The following FRMPD1 variants were observed in gnomAD, a reference collection of about 807,000 sequenced individuals.
FRMPD1 encodes FERM and PDZ domain containing 1, also known as FERM and PDZ domain-containing protein 1.
Under a neutral mutation model 117.8 loss-of-function variants are expected in FRMPD1, and 76 were observed. The ratio of observed to expected loss-of-function variants is 0.65; its 90% CI spans 0.54 to 0.78. The LOEUF is 0.78. FRMPD1 is among the 30% of genes least tolerant of loss of function. FRMPD1 has a pLI of 0.00. For synonymous variants in FRMPD1, 783 were observed against 770.4 expected (o/e 1.02, Z -0.27); for missense variants, 1,786 against 1,964.5 (o/e 0.91, Z 1.72).
chr9:37,728,363 T>C (rs1007835354), intron 7 of FRMPD1, among the ~76,000 whole-genome samples: 1 of 152,052 alleles, frequency 6.6e-6, no homozygotes, highest in Non-Finnish European at 1.5e-5. Flanking sequence ...ACAGGGATGA[T>C]TATGTATGCT....
intron 1 of FRMPD1, among the ~76,000 whole-genome samples, chr9:37,691,071 TAGC>T (rs1822115288): frequency 6.6e-6 from 1 of 152,194 alleles, no homozygotes; most frequent in African/African-American, 2.4e-5. Flanking sequence ...ATTCAAACCA[TAGC>T]AGGATATAAA....
the FRMPD1 span, among the ~76,000 whole-genome samples, chr9:37,625,294 T>TTGCTTTTCTAGGG: frequency 2.6e-5 from 4 of 152,208 alleles, no homozygotes; most frequent in African/African-American, 9.7e-5. Context: ...CTTGGTCTGA[T>TTGCTTTTCTAGGG]CCTCAGGGAT....
intron 1 of FRMPD1, among the ~76,000 whole-genome samples, chr9:37,688,379 A>G (rs976598195): frequency 1.3e-5 from 2 of 151,974 alleles, no homozygotes; most frequent in Admixed American, 6.6e-5. Context: ...ATAAATCTTT[A>G]AGTCAATAAT....
At chr9:37,637,976 C>CTTTCTTTT in the FRMPD1 span, among the ~76,000 whole-genome samples, 1 of 98,654 alleles carries the variant, frequency 1.0e-5, no homozygotes, top group African/African-American at 3.8e-5. Flanking sequence ...TTCTTTCTTT[C>CTTTCTTTT]TTTCTTTCTT....
chr9:37,729,062 G>A (rs1158419399), intron 7 of FRMPD1, among the ~76,000 whole-genome samples: 2 of 151,386 alleles, frequency 1.3e-5, no homozygotes, highest in African/African-American at 2.4e-5. Context: ...CCTGGCCAAC[G>A]TGGCAAAACC....
At chr9:37,618,588 A>G in the FRMPD1 span, among the ~76,000 whole-genome samples, 1 of 152,168 alleles carries the variant, frequency 6.6e-6, no homozygotes, top group Admixed American at 6.5e-5. Context: ...TCAATACCTT[A>G]CAAGTATTGA....
At chr9:37,697,268 G>A (rs10121098) in intron 2 of FRMPD1, among the ~76,000 whole-genome samples, 102,414 of 152,042 alleles carry the variant, frequency 0.67, 35,018 homozygotes, top group East Asian at 0.94. Flanking sequence ...ATATTCCAAC[G>A]GAAAAATAAC....
At chr9:37,619,963 TCC>T in the FRMPD1 span, among the ~76,000 whole-genome samples, 3 of 151,106 alleles carry the variant, frequency 2.0e-5, no homozygotes, top group African/African-American at 7.3e-5. Flanking sequence ...GTTTCTATCC[TCC>T]CCCACATCCT....
intron 1 of FRMPD1, among the ~76,000 whole-genome samples, chr9:37,663,486 A>G (rs1821060312): frequency 6.6e-6 from 1 of 152,030 alleles, no homozygotes; most frequent in South Asian, 2.1e-4. Flanking sequence ...TAATGAAAAC[A>G]TTTCTTCAAT....
rs1425313096 is a variant in FRMPD1 at position 37,745,005 on chromosome 9, T to C, written c.2973T>C (p.Pro991=). The C allele has an allele frequency of 6.2e-7, 1 of 1,614,158 alleles. No individual in the cohort carries two copies. Among genetic ancestry groups the C allele is most frequent in the Non-Finnish European group, 8.5e-7 (1 of 1,180,032 alleles). Residue 991 remains proline, a synonymous_variant, in exon 16 of 16, where the codon CCT becomes CCC. Transcript: ENST00000377765. ...AGGCAAGGCCTTCCCAAATCTTACC[T>C]CTATCTCAAGACCTGGATGGGATTG... ...TAQARPSQIL[P]LSQDLDGIAP... is the part of the protein sequence containing the mutation.
chr9:37,701,605 A>G (rs1351606802), intron 2 of FRMPD1, among the ~76,000 whole-genome samples: 1 of 151,934 alleles, frequency 6.6e-6, no homozygotes, highest in Non-Finnish European at 1.5e-5. Flanking sequence ...AATGTGTTTG[A>G]GGAACTTAGA....
chr9:37,717,369 G>GTATATA (rs1554666735), intron 5 of FRMPD1, among the ~76,000 whole-genome samples: 2 of 94,126 alleles, frequency 2.1e-5, no homozygotes, highest in Admixed American at 1.1e-4. Flanking sequence ...GTGTGTGTGT[G>GTATATA]TATATATATA....
rs556699534 is a variant in FRMPD1, at chr9:37,741,915, C to T, written c.2356+1031C>T. Among the ~76,000 whole-genome samples the T allele has an allele frequency of 3.2e-4, 49 of 152,348 alleles. 1 individual carries two copies. The highest frequency in any genetic ancestry group is 1.2e-3 in the South Asian group (6 of 4,828). ...ATTCACTTCCTCAGAGAACATTTCC[C>T]AGGCTTCCCAGGCCAGGGCAAGTCT... On this transcript the variant is annotated intron_variant, in intron 15 of 15. Coordinates refer to ENST00000377765, the MANE Select transcript of FRMPD1 (RefSeq NM_014907.3).
chr9:37,661,995 C>T (rs1277237697), intron 1 of FRMPD1: 2 of 154,546 alleles, frequency 1.3e-5, no homozygotes, highest in Non-Finnish European at 1.5e-5. Flanking sequence ...TCAGCTGAAT[C>T]AAACCTGGTG....
chr9:37,647,079 C>T (rs10973451), upstream of FRMPD1, among the ~76,000 whole-genome samples: 25,598 of 152,066 alleles, frequency 0.17, 2,491 homozygotes, highest in East Asian at 0.46. Flanking sequence ...AGGAGAGACT[C>T]AGAGAGGGAC....
intron 7 of FRMPD1, 143 bp downstream of exon 7, chr9:37,724,463 G>A: frequency 1.8e-6 from 1 of 558,706 alleles, no homozygotes; most frequent in Non-Finnish European, 3.3e-6. Flanking sequence ...CAGGTGCCAT[G>A]TTATCTCATT....
intron 7 of FRMPD1, chr9:37,728,075 G>C (rs1823693800): frequency 6.6e-6 from 1 of 152,200 alleles, no homozygotes; most frequent in African/African-American, 2.4e-5. Context: ...ATTAGCAGTT[G>C]GCATGCATTG....
chr9:37,690,576 A>G (rs535472263), intron 1 of FRMPD1, among the ~76,000 whole-genome samples: 9 of 152,212 alleles, frequency 5.9e-5, no homozygotes, highest in Non-Finnish European at 1.3e-4. Context: ...ATACATTTCA[A>G]TGCAAGATGA....
chr9:37,634,818 G>A, the FRMPD1 span, among the ~76,000 whole-genome samples: 1,035 of 151,242 alleles, frequency 6.8e-3, 19 homozygotes, highest in African/African-American at 0.024. Context: ...GTGTTACATA[G>A]GTATACGTGT....
Sources: allele counts gnomAD v4.1 joint callset (sites outside exome capture counted in the v4.1 genomes callset), GRCh38; gene constraint gnomAD v4.1.1; transcripts MANE v1.5; gene names NCBI Gene and HGNC (gene_info 2026-07-23, HGNC 2026-07-21).